Variants in TMEM163 observed in about 807,000 individuals in gnomAD.
TMEM163 encodes transmembrane protein 163.
A neutral mutation model predicts 29.3 loss-of-function variants in TMEM163; 17 were observed. The observed-to-expected ratio is 0.58, with a 90% CI of 0.40 to 0.87. The LOEUF (loss-of-function observed/expected upper bound fraction) is 0.87. TMEM163 is among the 40% of genes least tolerant of loss of function. TMEM163 has a pLI of 0.00. For missense variants in TMEM163, 303 were observed against 381.5 expected (o/e 0.79, Z 1.71); for synonymous variants, 157 against 160.6 (o/e 0.98, Z 0.17).
chr2:134,634,215 A>G (rs1202798757), intron 2 of TMEM163, among the ~76,000 whole-genome samples: 1 of 151,908 alleles, frequency 6.6e-6, no homozygotes, highest in Admixed American at 6.6e-5. Context: ...CTTGGTTTTG[A>G]TGAGGCAGTA....
intron 2 of TMEM163, among the ~76,000 whole-genome samples, chr2:134,609,461 G>A (rs7573390): frequency 0.052 from 1,342 of 25,726 alleles, 376 homozygotes; most frequent in Non-Finnish European, 0.097. Flanking sequence ...GACAGATCCC[G>A]AGAACTGTGC....
At chr2:134,696,023 C>T (rs1684572394) in intron 2 of TMEM163, among the ~76,000 whole-genome samples, 3 of 149,898 alleles carry the variant, frequency 2.0e-5, no homozygotes, top group Admixed American at 1.3e-4. Flanking sequence ...TGCACTCCAG[C>T]CTGGGCAACA....
At chr2:134,575,278 A>G (rs1362419335) in intron 2 of TMEM163, among the ~76,000 whole-genome samples, 1 of 152,162 alleles carries the variant, frequency 6.6e-6, no homozygotes, top group South Asian at 2.1e-4. Context: ...GACCCTGATT[A>G]AGCCATTCTG....
At chr2:134,522,056 G>A (rs1394898369) in intron 4 of TMEM163, among the ~76,000 whole-genome samples, 5 of 152,072 alleles carry the variant, frequency 3.3e-5, no homozygotes, top group Non-Finnish European at 7.3e-5. Flanking sequence ...CCGTTTCTCC[G>A]AAGCATGCCC....
At chr2:134,604,862 GTT>G (rs1234790455) in intron 2 of TMEM163, among the ~76,000 whole-genome samples, 1 of 152,082 alleles carries the variant, frequency 6.6e-6, no homozygotes, top group African/African-American at 2.4e-5. Context: ...TCACCTATCA[GTT>G]TGGCAAAGAT....
At chr2:134,494,256 A>C (rs183378556) in intron 5 of TMEM163, among the ~76,000 whole-genome samples, 24 of 152,322 alleles carry the variant, frequency 1.6e-4, no homozygotes, top group Middle Eastern at 3.4e-3. Context: ...GAGTAACAAC[A>C]GTAAGATGGC....
chr2:134,535,975 A>C (rs1680532749), intron 4 of TMEM163, among the ~76,000 whole-genome samples: 1 of 152,124 alleles, frequency 6.6e-6, no homozygotes. Flanking sequence ...TGCCCGCCTC[A>C]GCCTCCCAAA....
At chr2:134,716,733 GA>G in intron 1 of TMEM163, among the ~76,000 whole-genome samples, 1 of 151,916 alleles carries the variant, frequency 6.6e-6, no homozygotes, top group African/African-American at 2.4e-5. Context: ...AGCCCCATAA[GA>G]AAAAAAATAA....
At position 134,456,351 on chromosome 2, in the gene TMEM163, G is replaced by A; in HGVS notation, c.*365C>T. On this transcript the variant is annotated 3_prime_UTR_variant, in exon 8 of 8. Transcript: ENST00000281924. Reference sequence around the variant, plus strand: ...AACCAGGAGTGGCAGGGCCACCCAAGCTGGAGGAGGTGGGTCTGCTCAGTC... The same window carrying A: ...AACCAGGAGTGGCAGGGCCACCCAAACTGGAGGAGGTGGGTCTGCTCAGTC... 5.3e-6 allele frequency: 1 copy of A among 189,540 alleles called. No individual in the cohort carries two copies. Among genetic ancestry groups the A allele is most frequent in the Non-Finnish European group, 1.1e-5 (1 of 91,942 alleles). 11.7% of individuals were successfully genotyped at this position (189,540 alleles called of 1,614,324 possible).
intron 2 of TMEM163, among the ~76,000 whole-genome samples, chr2:134,685,754 A>T (rs899767588): frequency 2.0e-5 from 3 of 152,136 alleles, no homozygotes; most frequent in African/African-American, 7.2e-5. Context: ...TAAAACATAC[A>T]ATCATCATTA....
intron 2 of TMEM163, among the ~76,000 whole-genome samples, chr2:134,621,563 T>G (rs1296448964): frequency 2.6e-5 from 4 of 152,200 alleles, no homozygotes; most frequent in African/African-American, 9.6e-5. Flanking sequence ...ACCCCAAAGC[T>G]GGAAGCAATC....
intron 2 of TMEM163, among the ~76,000 whole-genome samples, chr2:134,652,942 T>G (rs201377880): frequency 0.38 from 29,155 of 77,666 alleles, 6,009 homozygotes; most frequent in Non-Finnish European, 0.45. Flanking sequence ...GCTGGATTCG[T>G]TTTGCCAGTA....
chr2:134,479,488 C>T (rs1007862469), intron 5 of TMEM163, among the ~76,000 whole-genome samples: 1 of 152,132 alleles, frequency 6.6e-6, no homozygotes, highest in Non-Finnish European at 1.5e-5. Flanking sequence ...AGCATTACAT[C>T]CCAAATGTTT....
chr2:134,515,293 C>A (rs555140441), intron 4 of TMEM163, among the ~76,000 whole-genome samples: 2 of 152,220 alleles, frequency 1.3e-5, no homozygotes, highest in South Asian at 2.1e-4. Flanking sequence ...AACTCTCACA[C>A]GGGGTCTGAA....
intron 5 of TMEM163, among the ~76,000 whole-genome samples, chr2:134,502,136 G>T (rs1679709114): frequency 6.6e-6 from 1 of 152,210 alleles, no homozygotes; most frequent in Non-Finnish European, 1.5e-5. Context: ...AATCATTTTG[G>T]TCTTATATCA....
chr2:134,632,772 T>G (rs1682995374), intron 2 of TMEM163, among the ~76,000 whole-genome samples: 1 of 151,584 alleles, frequency 6.6e-6, no homozygotes, highest in East Asian at 1.9e-4. Context: ...AGATGGAGTC[T>G]CGCTCTGTCA....
rs1001758793 is a variant in TMEM163 at position 134,527,648 on chromosome 2, A to G, written c.458+22922T>C. On this transcript the variant is annotated intron_variant, in intron 4 of 7. Coordinates refer to ENST00000281924, the MANE Select transcript of TMEM163 (RefSeq NM_030923.5). ...CTCTCCCGGGATCCTGAGCAAGGCT[A>G]TAGGAATGACTTGTCCTAGCCTTGG... 2.6e-5 allele frequency among the ~76,000 whole-genome samples: 4 copies of G among 152,224 alleles called. No individual in the cohort carries two copies. The East Asian group carries it at 5.8e-4, about 22-fold the overall frequency.
intron 4 of TMEM163, among the ~76,000 whole-genome samples, chr2:134,517,770 G>T (rs189681594): frequency 1.3e-5 from 2 of 152,244 alleles, no homozygotes; most frequent in East Asian, 3.9e-4. Flanking sequence ...GCTTATTAAA[G>T]ATTTTTATTT....
chr2:134,464,824 T>G (rs530989748), intron 6 of TMEM163, among the ~76,000 whole-genome samples: 1 of 152,250 alleles, frequency 6.6e-6, no homozygotes, highest in South Asian at 2.1e-4. Flanking sequence ...GCCAGAGCTC[T>G]GTCCCAGGGT....
Sources: allele counts gnomAD v4.1 joint callset (sites outside exome capture counted in the v4.1 genomes callset), GRCh38; gene constraint gnomAD v4.1.1; transcripts MANE v1.5; gene names NCBI Gene and HGNC (gene_info 2026-07-23, HGNC 2026-07-21).